DCC: variants seen among roughly 807,000 people sequenced by gnomAD.
The protein encoded by DCC is netrin receptor DCC.
DCC carries 58 observed loss-of-function variants against 172.5 expected under a neutral mutation model. The observed-to-expected ratio is 0.34, with a 90% CI of 0.27 to 0.42. DCC has a LOEUF of 0.42. Ranked by LOEUF, DCC falls within the 10% of genes least tolerant of loss-of-function variation. The pLI is 1.00. For synonymous variants in DCC, 709 were observed against 644.5 expected, an observed-to-expected ratio of 1.10 and a Z score of -1.52; for missense variants, 1,740 against 1,791.0, an observed-to-expected ratio of 0.97 and a Z score of 0.51.
At chr18:52,502,183 C>T (rs1276308124) in intron 1 of DCC, among the ~76,000 whole-genome samples, 4 of 152,012 alleles carry the variant, frequency 2.6e-5, no homozygotes, top group African/African-American at 7.2e-5. Flanking sequence ...CAATGGATAA[C>T]TTGGTTCTAA....
chr18:52,823,045 G>A (rs1390444267), intron 2 of DCC, among the ~76,000 whole-genome samples: 1 of 152,148 alleles, frequency 6.6e-6, no homozygotes, highest in Non-Finnish European at 1.5e-5. Context: ...ATCTTAACTG[G>A]TTTTGTGAAA....
At chr18:53,356,969 C>T (rs976350039) in intron 15 of DCC, among the ~76,000 whole-genome samples, 2 of 152,100 alleles carry the variant, frequency 1.3e-5, no homozygotes, top group Non-Finnish European at 2.9e-5. Context: ...TCTTAGAAGT[C>T]GCTGAAGTGA....
Position 53,215,449 on chromosome 18 carries a change from A to T in DCC, c.1862-99A>T, listed in dbSNP as rs2055830947. ...TTAACCTACCTAATTATCATTATAA[A>T]CTATATAAACAAAACCACACTCTCT... On this transcript the variant is annotated intron_variant, in intron 11 of 28. Transcript: ENST00000442544. 5.1e-6 allele frequency: 5 copies of T among 987,922 alleles called. No individual in the cohort carries two copies. The African/African-American group carries it at 6.4e-5, about 13-fold the overall frequency. 61.2% of individuals were successfully genotyped at this position (987,922 alleles called of 1,614,324 possible).
At chr18:52,583,478 C>A (rs1210116858) in intron 1 of DCC, among the ~76,000 whole-genome samples, 1 of 152,124 alleles carries the variant, frequency 6.6e-6, no homozygotes. Context: ...AAGAGTTATA[C>A]AAATTTAGAA....
At chr18:52,765,032 CT>C (rs1193909081) in intron 2 of DCC, among the ~76,000 whole-genome samples, 353 of 133,636 alleles carry the variant, frequency 2.6e-3, no homozygotes, top group Middle Eastern at 3.6e-3. Context: ...TCTTTTTTTT[CT>C]TTTTTTTTTT....
intron 5 of DCC, among the ~76,000 whole-genome samples, chr18:52,988,201 C>T (rs1345577968): frequency 6.6e-6 from 1 of 151,700 alleles, no homozygotes; most frequent in Non-Finnish European, 1.5e-5. Context: ...ATTAGCTTGC[C>T]AGGTTGGAAA....
intron 7 of DCC, among the ~76,000 whole-genome samples, chr18:53,138,423 A>T (rs1487822332): frequency 6.6e-6 from 1 of 152,234 alleles, no homozygotes; most frequent in Non-Finnish European, 1.5e-5. Context: ...AGTCAAAAAC[A>T]TAATATAAAA....
intron 1 of DCC, among the ~76,000 whole-genome samples, chr18:52,674,369 A>G (rs957669232): frequency 6.6e-6 from 1 of 152,140 alleles, no homozygotes; most frequent in Non-Finnish European, 1.5e-5. Flanking sequence ...AGGCAGAAAG[A>G]AAATTGAACC....
At chr18:52,432,939 C>G (rs1987673474) in intron 1 of DCC, among the ~76,000 whole-genome samples, 1 of 152,130 alleles carries the variant, frequency 6.6e-6, no homozygotes, top group Admixed American at 6.6e-5. Context: ...CAGTTTCCCT[C>G]TGCACTCTAA....
chr18:53,385,118 GT>G (rs1175262928), intron 15 of DCC, among the ~76,000 whole-genome samples: 1 of 144,026 alleles, frequency 6.9e-6, no homozygotes, highest in African/African-American at 2.6e-5. Context: ...TATGTAATTT[GT>G]TTTTCCTGTT....
chr18:52,651,139 G>T (rs2035123176), intron 1 of DCC, among the ~76,000 whole-genome samples: 1 of 152,068 alleles, frequency 6.6e-6, no homozygotes, highest in Non-Finnish European at 1.5e-5. Context: ...TTATTAGAAA[G>T]CTGTGCATTT....
chr18:53,356,601 C>T (rs1366455130), intron 15 of DCC, among the ~76,000 whole-genome samples: 1 of 152,054 alleles, frequency 6.6e-6, no homozygotes, highest in African/African-American at 2.4e-5. Flanking sequence ...TCCATCTGGC[C>T]GGATGGAGTC....
At chr18:53,254,896 A>G (rs1355337736) in intron 12 of DCC, among the ~76,000 whole-genome samples, 2 of 152,094 alleles carry the variant, frequency 1.3e-5, no homozygotes, top group South Asian at 2.1e-4. Flanking sequence ...AGCATATAAC[A>G]TATCCTAATT....
chr18:53,017,976 C>A (rs1717977886), intron 5 of DCC, among the ~76,000 whole-genome samples: 1 of 152,104 alleles, frequency 6.6e-6, no homozygotes, highest in African/African-American at 2.4e-5. Context: ...TTTATCAATG[C>A]ACCAACACAA....
chr18:53,023,984 G>C (rs563621903), intron 5 of DCC, among the ~76,000 whole-genome samples: 17 of 152,172 alleles, frequency 1.1e-4, no homozygotes, highest in Non-Finnish European at 1.9e-4. Context: ...GTTCAGTTAT[G>C]GTTCAGATGA....
intron 7 of DCC, among the ~76,000 whole-genome samples, chr18:53,069,603 G>C (rs1232726933): frequency 2.8e-5 from 4 of 144,184 alleles, no homozygotes; most frequent in Non-Finnish European, 6.0e-5. Flanking sequence ...AGAACTCACA[G>C]AACTGCTCCA....
intron 2 of DCC, among the ~76,000 whole-genome samples, chr18:52,802,842 C>G (rs1733480041): frequency 6.6e-6 from 1 of 151,112 alleles, no homozygotes; most frequent in Non-Finnish European, 1.5e-5. Flanking sequence ...TATTGTTGAC[C>G]AGAAACCTTG....
chr18:52,387,134 A>G (rs1247739980), intron 1 of DCC, among the ~76,000 whole-genome samples: 1 of 152,174 alleles, frequency 6.6e-6, no homozygotes, highest in Admixed American at 6.5e-5. Context: ...GACACATAGA[A>G]GAAAGATTCT....
chr18:52,962,461 G>A (rs2040857695), intron 5 of DCC, among the ~76,000 whole-genome samples: 1 of 150,804 alleles, frequency 6.6e-6, no homozygotes, highest in African/African-American at 2.4e-5. Flanking sequence ...AACAACAGGT[G>A]CTGGAGAGGA....
Sources: allele counts gnomAD v4.1 joint callset (sites outside exome capture counted in the v4.1 genomes callset), GRCh38; gene constraint gnomAD v4.1.1; transcripts MANE v1.5; gene names NCBI Gene and HGNC (gene_info 2026-07-23, HGNC 2026-07-21).